The following EPHA6 variants were observed in gnomAD, a reference collection of about 807,000 sequenced individuals.
EPHA6 encodes the protein ephrin type-A receptor 6.
A neutral mutation model predicts 112.0 loss-of-function variants in EPHA6; 50 were observed. The ratio of observed to expected loss-of-function variants is 0.45; its 90% CI spans 0.36 to 0.56. The LOEUF (loss-of-function observed/expected upper bound fraction) is 0.56. EPHA6 is among the 20% of genes least tolerant of loss of function. The pLI is 0.00. For missense variants in EPHA6, 1,280 were observed against 1,417.4 expected (o/e 0.90, Z 1.56); for synonymous variants, 529 against 490.7 (o/e 1.08, Z -1.03).
intron 2 of EPHA6, among the ~76,000 whole-genome samples, chr3:96,924,716 T>C (rs1285542675): frequency 6.6e-6 from 1 of 152,164 alleles, no homozygotes; most frequent in Non-Finnish European, 1.5e-5. Flanking sequence ...CTTGTGATGG[T>C]ATTCAAGGGA....
chr3:97,517,455 T>C (rs1002380310), intron 10 of EPHA6, among the ~76,000 whole-genome samples: 8 of 152,058 alleles, frequency 5.3e-5, no homozygotes, highest in Non-Finnish European at 1.0e-4. Context: ...TTTTTTTTCT[T>C]TTTCATAAAT....
chr3:97,209,643 C>A (rs901434226), intron 3 of EPHA6, among the ~76,000 whole-genome samples: 1 of 152,070 alleles, frequency 6.6e-6, no homozygotes, highest in Non-Finnish European at 1.5e-5. Flanking sequence ...AGTTATAATT[C>A]AATAATTTTT....
intron 5 of EPHA6, among the ~76,000 whole-genome samples, chr3:97,285,223 C>T (rs1309696888): frequency 6.6e-6 from 1 of 152,076 alleles, no homozygotes; most frequent in Non-Finnish European, 1.5e-5. Flanking sequence ...AAGTGGAAGA[C>T]ATTGCATTTG....
intron 5 of EPHA6, among the ~76,000 whole-genome samples, chr3:97,379,616 G>A (rs540767090): frequency 6.6e-6 from 1 of 151,594 alleles, no homozygotes; most frequent in African/African-American, 2.4e-5. Flanking sequence ...GGGCATGGTG[G>A]CAGGCACCTG....
At chr3:97,716,712 C>G (rs2034256684) in intron 14 of EPHA6, among the ~76,000 whole-genome samples, 1 of 152,110 alleles carries the variant, frequency 6.6e-6, no homozygotes, top group South Asian at 2.1e-4. Context: ...AACTGTATCC[C>G]GTATATATCC....
intron 3 of EPHA6, among the ~76,000 whole-genome samples, chr3:97,140,517 G>A (rs2075873298): frequency 6.6e-6 from 1 of 152,098 alleles, no homozygotes; most frequent in African/African-American, 2.4e-5. Flanking sequence ...CAGAGATCGA[G>A]GCCTATGTTC....
intron 2 of EPHA6, among the ~76,000 whole-genome samples, chr3:96,953,829 C>G (rs1424966354): frequency 1.3e-5 from 2 of 152,070 alleles, no homozygotes; most frequent in Non-Finnish European, 2.9e-5. Flanking sequence ...TGTACTGCTG[C>G]TCTTCAAATC....
At chr3:97,164,391 A>G (rs1048024887) in intron 3 of EPHA6, among the ~76,000 whole-genome samples, 4 of 152,142 alleles carry the variant, frequency 2.6e-5, no homozygotes, top group Non-Finnish European at 4.4e-5. Context: ...GGTTAAAATA[A>G]TAGTATCTCT....
chr3:97,576,187 A>G (rs2093382683), intron 11 of EPHA6, among the ~76,000 whole-genome samples: 1 of 152,126 alleles, frequency 6.6e-6, no homozygotes, highest in Non-Finnish European at 1.5e-5. Flanking sequence ...AAGAAAAATT[A>G]CCTCTTCTCT....
chr3:97,025,366 T>G (rs2044601857), intron 3 of EPHA6, among the ~76,000 whole-genome samples: 1 of 152,084 alleles, frequency 6.6e-6, no homozygotes, highest in Admixed American at 6.6e-5. Context: ...GTCTCTGATA[T>G]TAGTACTTTG....
chr3:96,999,693 A>G (rs752255864), intron 3 of EPHA6, among the ~76,000 whole-genome samples: 1 of 152,016 alleles, frequency 6.6e-6, no homozygotes, highest in East Asian at 1.9e-4. Flanking sequence ...CCAACAAAAT[A>G]TAGATATTGA....
Position 97,757,865 on chromosome 3 carries a change from T to C in EPHA6, c.*9164T>C, listed in dbSNP as rs572672178. On this transcript the variant is annotated 3_prime_UTR_variant, in exon 18 of 18. Coordinates refer to ENST00000389672, the MANE Select transcript of EPHA6 (RefSeq NM_001080448.3). ...TTTATATTTCCATTCAGTCTCATTATGCTTGAAAGTTTCCAACTCTCAAAT... is the reference window on the plus strand; with the variant it reads ...TTTATATTTCCATTCAGTCTCATTACGCTTGAAAGTTTCCAACTCTCAAAT... 2.6e-5 allele frequency among the ~76,000 whole-genome samples: 4 copies of C among 152,060 alleles called. No homozygotes were observed. In the East Asian group the frequency reaches 7.7e-4, roughly 29 times the overall value.
intron 14 of EPHA6, among the ~76,000 whole-genome samples, chr3:97,656,468 A>C (rs2094138403): frequency 6.6e-6 from 1 of 151,970 alleles, no homozygotes; most frequent in African/African-American, 2.4e-5. Flanking sequence ...AATAATGATT[A>C]GGAGATCTGA....
At chr3:97,581,440 C>A (rs957459921) in intron 11 of EPHA6, among the ~76,000 whole-genome samples, 2 of 152,114 alleles carry the variant, frequency 1.3e-5, no homozygotes, top group Non-Finnish European at 2.9e-5. Flanking sequence ...ACATGCCATG[C>A]CAAGTTCTAT....
chr3:96,884,842 A>T (rs543671246), intron 2 of EPHA6, among the ~76,000 whole-genome samples: 1 of 152,056 alleles, frequency 6.6e-6, no homozygotes, highest in Admixed American at 6.5e-5. Flanking sequence ...TCCATTCAGT[A>T]TTATGTTGGC....
chr3:97,046,504 C>T (rs2045512942), intron 3 of EPHA6, among the ~76,000 whole-genome samples: 1 of 152,154 alleles, frequency 6.6e-6, no homozygotes, highest in African/African-American at 2.4e-5. Context: ...TGCCCACTAC[C>T]ACTACTTTGT....
At chr3:97,384,421 A>G (rs2085936850) in intron 5 of EPHA6, among the ~76,000 whole-genome samples, 1 of 152,314 alleles carries the variant, frequency 6.6e-6, no homozygotes, top group Admixed American at 6.5e-5. Flanking sequence ...TGCCATATGT[A>G]GTAGAGCCTG....
intron 2 of EPHA6, among the ~76,000 whole-genome samples, chr3:96,882,498 C>G (rs1434101486): frequency 1.3e-5 from 2 of 152,062 alleles, no homozygotes; most frequent in Non-Finnish European, 2.9e-5. Context: ...TTATCCCTTT[C>G]CCACCTCTCA....
chr3:96,960,948 G>T (rs1189812200), intron 2 of EPHA6, among the ~76,000 whole-genome samples: 1 of 152,110 alleles, frequency 6.6e-6, no homozygotes, highest in Non-Finnish European at 1.5e-5. Flanking sequence ...CCCAAGCATG[G>T]TTTCACAGTT....
Sources: allele counts gnomAD v4.1 joint callset (sites outside exome capture counted in the v4.1 genomes callset), GRCh38; gene constraint gnomAD v4.1.1; transcripts MANE v1.5; gene names NCBI Gene and HGNC (gene_info 2026-07-23, HGNC 2026-07-21).